Variants in FER observed in about 807,000 individuals in gnomAD.
FER encodes FER tyrosine kinase, also known as tyrosine-protein kinase Fer.
A neutral mutation model predicts 111.0 loss-of-function variants in FER; 63 were observed. The observed-to-expected ratio is 0.57, with a 90% confidence interval of 0.46 to 0.70. The LOEUF is 0.70. Among genes scored for constraint, FER ranks in the 30% least tolerant of loss-of-function variants. The pLI is 0.00. For synonymous variants in FER, 327 were observed against 313.9 expected (o/e 1.04, Z -0.44); for missense variants, 914 against 954.0 (o/e 0.96, Z 0.55).
At chr5:109,051,131 A>G (rs902946712) in intron 16 of FER, among the ~76,000 whole-genome samples, 5 of 152,096 alleles carry the variant, frequency 3.3e-5, no homozygotes, top group Non-Finnish European at 7.4e-5. Context: ...CTCTCCACCC[A>G]TCTACCCCAT....
intron 8 of FER, among the ~76,000 whole-genome samples, chr5:108,875,659 C>T (rs528299443): frequency 6.6e-6 from 1 of 152,198 alleles, no homozygotes; most frequent in East Asian, 1.9e-4. Flanking sequence ...GATGAGTCAT[C>T]TAATGGTGAC....
intron 17 of FER, among the ~76,000 whole-genome samples, chr5:109,101,249 G>C (rs564019655): frequency 6.6e-6 from 1 of 151,918 alleles, no homozygotes; most frequent in Admixed American, 6.6e-5. Flanking sequence ...CAATGAAGTG[G>C]AGAACTGATG....
intron 13 of FER, among the ~76,000 whole-genome samples, chr5:109,019,397 G>A (rs1190295445): frequency 6.6e-6 from 1 of 151,742 alleles, no homozygotes; most frequent in Non-Finnish European, 1.5e-5. Context: ...TCAAGTAAAT[G>A]CAAAAGTATC....
intron 18 of FER, among the ~76,000 whole-genome samples, chr5:109,183,389 C>CA (rs1416130679): frequency 2.0e-5 from 3 of 151,892 alleles, no homozygotes; most frequent in Non-Finnish European, 4.4e-5. Context: ...GCTGGGACTA[C>CA]AGGTGCCCGC....
In FER at chr5:109,011,626, A is replaced by G. The variant is rs528765142; in HGVS notation, c.1657-25796A>G. ...AAGGCATTGTTTTCTCCTTTTTTGC[A>G]TGTTTATGTTTTTAGCAGGGCTTTA... On this transcript the variant is annotated intron_variant, in intron 13 of 19. Transcript: ENST00000281092. Among the ~76,000 whole-genome samples the G allele has an allele frequency of 2.0e-5, 3 of 151,780 alleles. No individual in the cohort carries two copies. The South Asian group carries it at 6.2e-4, about 32-fold the overall frequency.
intron 1 of FER, among the ~76,000 whole-genome samples, chr5:108,760,493 ATC>A (rs749762709): frequency 1.3e-5 from 2 of 152,202 alleles, no homozygotes; most frequent in Non-Finnish European, 2.9e-5. Flanking sequence ...TACACTGAAA[ATC>A]TGTTGTTTAG....
Position 109,190,652 on chromosome 5 carries a change from C to T in FER, c.*3077C>T, listed in dbSNP as rs977256378. 4 of 152,158 alleles carry T rather than the reference C, an allele frequency of 2.6e-5. No individual in the cohort carries two copies. 9.4% of individuals were successfully genotyped at this position (152,158 alleles called of 1,614,324 possible). ...ATAAAATTGACAGGTTTTGTTTAAACTTCAGAAACTGAAGCTTTATTTCAG... is the reference window on the plus strand; with the variant it reads ...ATAAAATTGACAGGTTTTGTTTAAATTTCAGAAACTGAAGCTTTATTTCAG... On this transcript the variant is annotated 3_prime_UTR_variant, in exon 20 of 20. Transcript: ENST00000281092.
intron 3 of FER, among the ~76,000 whole-genome samples, chr5:108,821,927 C>T (rs1758892016): frequency 6.6e-6 from 1 of 152,080 alleles, no homozygotes; most frequent in African/African-American, 2.4e-5. Context: ...CTCTAGTTAT[C>T]ATGGTGTACA....
intron 3 of FER, among the ~76,000 whole-genome samples, chr5:108,803,523 G>A (rs1473203763): frequency 6.6e-6 from 1 of 152,154 alleles, no homozygotes; most frequent in Non-Finnish European, 1.5e-5. Flanking sequence ...GTGAAAGGTA[G>A]GGGACAAGTT....
intron 17 of FER, among the ~76,000 whole-genome samples, chr5:109,135,295 C>T (rs1003232877): frequency 6.6e-6 from 1 of 152,106 alleles, no homozygotes; most frequent in African/African-American, 2.4e-5. Flanking sequence ...GAAGGATGTA[C>T]AATTATTATT....
intron 3 of FER, among the ~76,000 whole-genome samples, chr5:108,817,860 A>G (rs1328368177): frequency 6.6e-6 from 1 of 152,146 alleles, no homozygotes; most frequent in African/African-American, 2.4e-5. Flanking sequence ...CTTTCTTTAT[A>G]TCATGTATTA....
At chr5:108,901,322 A>AG (rs1561587423) in intron 10 of FER, among the ~76,000 whole-genome samples, 1 of 152,134 alleles carries the variant, frequency 6.6e-6, no homozygotes, top group Non-Finnish European at 1.5e-5. Context: ...AGAGAGGGGA[A>AG]GAGGAGTGAA....
intron 10 of FER, among the ~76,000 whole-genome samples, chr5:108,899,853 A>G (rs866556019): frequency 1.1e-4 from 16 of 152,136 alleles, no homozygotes; most frequent in African/African-American, 3.6e-4. Flanking sequence ...TTTCATAATC[A>G]TTGAAGAAAA....
chr5:108,785,511 A>T, intron 2 of FER: 1 of 563,660 alleles, frequency 1.8e-6, no homozygotes, highest in Non-Finnish European at 3.6e-6. Context: ...GGCTACACAG[A>T]CAACCTGGTG....
intron 17 of FER, among the ~76,000 whole-genome samples, chr5:109,146,748 T>A (rs1294615837): frequency 1.3e-5 from 2 of 150,778 alleles, no homozygotes; most frequent in African/African-American, 4.8e-5. Flanking sequence ...GATGCAGTAC[T>A]GACAGAATGA....
rs1487207056 is a variant in FER at position 109,190,764 on chromosome 5, G to A, written c.*3189G>A. ...CTCTTTTATCTCCCAAATTTAATGT[G>A]GGCAATAAAATTCTCCTTTCGTAAT... On this transcript the variant is annotated 3_prime_UTR_variant, in exon 20 of 20. Coordinates refer to ENST00000281092, the MANE Select transcript of FER (RefSeq NM_005246.4). 1 of 152,038 alleles carries A rather than the reference G, an allele frequency of 6.6e-6. No homozygotes were observed. The highest frequency in any genetic ancestry group is 1.9e-4 in the East Asian group (1 of 5,204). 9.4% of individuals were successfully genotyped at this position (152,038 alleles called of 1,614,324 possible).
rs6594351 is a variant in FER at position 109,192,465 on chromosome 5, C to G, written c.*4890C>G. The G allele has an allele frequency of 0.76, 115,743 of 152,074 alleles. 44,330 individuals carry two copies. Among genetic ancestry groups the G allele is most frequent in the African/African-American group, 0.82 (34,016 of 41,510 alleles). The allele number at this position is 152,074 out of a possible 1,614,324, so 9.4% of individuals were successfully genotyped here. ...AATACCTCTCCTTGTGTTAGGAGCA[C>G]TGTTATATTCCCAGCTCAGAGATGA... On this transcript the variant is annotated 3_prime_UTR_variant, in exon 20 of 20. Coordinates refer to ENST00000281092, the MANE Select transcript of FER (RefSeq NM_005246.4).
intron 17 of FER, among the ~76,000 whole-genome samples, chr5:109,104,979 G>A (rs1231975644): frequency 1.3e-5 from 2 of 152,090 alleles, no homozygotes; most frequent in East Asian, 1.9e-4. Flanking sequence ...TCCTGACCTC[G>A]TGATCCGCCT....
At chr5:109,090,210 A>C (rs1354524366) in intron 16 of FER, among the ~76,000 whole-genome samples, 1 of 152,084 alleles carries the variant, frequency 6.6e-6, no homozygotes, top group East Asian at 1.9e-4. Flanking sequence ...GCAGACAGCA[A>C]ATGGAGTGAG....
Sources: gnomAD v4.1 joint callset for allele counts (sites outside exome capture counted in the v4.1 genomes callset) on GRCh38, gnomAD v4.1.1 for gene constraint, MANE v1.5 for transcripts, NCBI Gene and HGNC (gene_info 2026-07-23, HGNC 2026-07-21) for gene names.